DDX60L: variants seen among roughly 807,000 people sequenced by gnomAD.
DDX60L encodes DExD/H-box 60 like, also known as probable ATP-dependent RNA helicase DDX60-like.
Under a neutral mutation model 211.6 loss-of-function variants are expected in DDX60L, and 191 were observed. The observed-to-expected ratio is 0.90, with a 90% CI of 0.80 to 1.02. The LOEUF (loss-of-function observed/expected upper bound fraction) is 1.02, where lower values mean the gene tolerates loss of function less well. DDX60L is among the 50% of genes least tolerant of loss of function. DDX60L has a pLI of 0.00. For missense variants in DDX60L, 2,007 were observed against 1,984.1 expected, an observed-to-expected ratio of 1.01 and a Z score of -0.22; for synonymous variants, 706 against 694.1, an observed-to-expected ratio of 1.02 and a Z score of -0.27.
intron 12 of DDX60L, among the ~76,000 whole-genome samples, chr4:168,432,099 C>A (rs2149946173): frequency 6.6e-6 from 1 of 152,166 alleles, no homozygotes; most frequent in Middle Eastern, 3.4e-3. Context: ...ATATGTACAT[C>A]CTTAAAAGAT....
At chr4:168,472,574 T>C (rs1403519685) in intron 2 of DDX60L, 50 bp from the exon 3 acceptor site, 3 of 1,563,588 alleles carry the variant, frequency 1.9e-6, no homozygotes, top group Non-Finnish European at 2.6e-6. Context: ...CACAGCTATA[T>C]AATTTAGTAA....
At chr4:168,431,502 T>A (rs979497682) in intron 12 of DDX60L, among the ~76,000 whole-genome samples, 1 of 137,776 alleles carries the variant, frequency 7.3e-6, no homozygotes, top group Non-Finnish European at 1.5e-5. Context: ...AGTTCTGCAA[T>A]GAGAACACAT....
At chr4:168,461,483 GA>G (rs560610453) in intron 5 of DDX60L, among the ~76,000 whole-genome samples, 78 of 152,192 alleles carry the variant, frequency 5.1e-4, no homozygotes, top group Non-Finnish European at 1.1e-3. Context: ...AACCTTATAG[GA>G]GTACCCTGAG....
intron 9 of DDX60L, among the ~76,000 whole-genome samples, chr4:168,447,962 G>A (rs1755082751): frequency 6.6e-6 from 1 of 151,144 alleles, no homozygotes. Context: ...GCACCAGCAT[G>A]GCACATGTAT....
At chr4:168,437,843 C>T (rs567016201) in intron 10 of DDX60L, among the ~76,000 whole-genome samples, 21 of 146,072 alleles carry the variant, frequency 1.4e-4, no homozygotes, top group African/African-American at 5.4e-4. Flanking sequence ...TTAAACCCTT[C>T]GGCTGACTCC....
chr4:168,385,921 C>T (rs1433014169), intron 29 of DDX60L, among the ~76,000 whole-genome samples: 2 of 151,862 alleles, frequency 1.3e-5, no homozygotes, highest in Non-Finnish European at 2.9e-5. Context: ...TATACCCCCA[C>T]TCTTTCTCAC....
intron 22 of DDX60L, among the ~76,000 whole-genome samples, chr4:168,414,319 AATATT>A (rs1344445343): frequency 6.6e-6 from 1 of 152,188 alleles, no homozygotes; most frequent in Non-Finnish European, 1.5e-5. Context: ...AAAAACACAG[AATATT>A]ATAACATTGT....
chr4:168,462,186 T>C lies in DDX60L; in HGVS notation c.265-146A>G, dbSNP rs547648744. 231 of 622,392 alleles carry C rather than the reference T, an allele frequency of 3.7e-4. 1 individual carries two copies. The highest frequency in any genetic ancestry group is 5.1e-4 in the Non-Finnish European group (184 of 359,654). 38.6% of individuals were successfully genotyped at this position (622,392 alleles called of 1,614,324 possible). ...TCAAGGGCCTTAAACTTGACTCCTT[T>C]CACAAGTGCATGCCACAGGTCAAAA... On this transcript the variant is annotated intron_variant, in intron 4 of 37. Coordinates refer to ENST00000682922, the MANE Select transcript of DDX60L (RefSeq NM_001012967.3).
intron 17 of DDX60L, among the ~76,000 whole-genome samples, chr4:168,420,938 C>T (rs1750506020): frequency 6.6e-6 from 1 of 152,122 alleles, no homozygotes; most frequent in Admixed American, 6.5e-5. Context: ...GATTCCCCTT[C>T]TATTGTTCTG....
intron 8 of DDX60L, among the ~76,000 whole-genome samples, chr4:168,450,776 G>T (rs574536135): frequency 2.6e-5 from 4 of 152,120 alleles, no homozygotes; most frequent in Non-Finnish European, 4.4e-5. Flanking sequence ...AGCCAGGCAT[G>T]GTGGCGTATA....
At chr4:168,415,358 G>C in intron 22 of DDX60L, 50 bp downstream of exon 22, 1 of 1,153,926 alleles carries the variant, frequency 8.7e-7, no homozygotes. Context: ...TTCCAGTTGC[G>C]ATATACACTA....
chr4:168,451,742 C>A (rs187898188), intron 8 of DDX60L, among the ~76,000 whole-genome samples: 5 of 152,272 alleles, frequency 3.3e-5, no homozygotes, highest in Admixed American at 3.3e-4. Flanking sequence ...CTTAACAGAG[C>A]CAACAAGTAC....
intron 36 of DDX60L, among the ~76,000 whole-genome samples, chr4:168,371,082 TA>T (rs1162322171): frequency 0.045 from 255 of 5,644 alleles, 1 homozygote; most frequent in African/African-American, 0.22. Flanking sequence ...AAAAAAGATT[TA>T]TTTCATTAAA....
At chr4:168,420,468 A>G (rs1750344633) in intron 17 of DDX60L, 88 bp from the exon 18 acceptor site, 1 of 9,058 alleles carries the variant, frequency 1.1e-4, no homozygotes, top group Non-Finnish European at 2.1e-4. Context: ...ACACATACAC[A>G]CACACACACA....
rs989112436 is a variant in DDX60L at position 168,415,528 on chromosome 4, A to G, written c.2870-11T>C. 3.3e-6 allele frequency: 5 copies of G among 1,530,564 alleles called. No individual in the cohort carries two copies. The allele number at this position is 1,530,564 out of a possible 1,614,324, so 94.8% of individuals were successfully genotyped here. ...TCTCTCCACAGAGCACTAGATACGA[A>G]GAGCAAGAATATCCAAATTAATGGA... On this transcript the variant is annotated splice_polypyrimidine_tract_variant and intron_variant, in intron 21 of 37. Coordinates refer to ENST00000682922, the MANE Select transcript of DDX60L (RefSeq NM_001012967.3).
chr4:168,375,296 A>G, intron 34 of DDX60L, 81 bp downstream of exon 34: 1 of 1,445,852 alleles, frequency 6.9e-7, no homozygotes, highest in South Asian at 1.2e-5. Flanking sequence ...CCAGCTTTGA[A>G]GCATCCAATA....
chr4:168,387,344 G>A (rs1486063606), intron 29 of DDX60L, among the ~76,000 whole-genome samples: 1 of 152,208 alleles, frequency 6.6e-6, no homozygotes, highest in Non-Finnish European at 1.5e-5. Flanking sequence ...TTCTGGTTCG[G>A]AGCTTGGAAA....
At chr4:168,472,566 C>A in intron 2 of DDX60L, 42 bp from the exon 3 acceptor site, 1 of 1,565,792 alleles carries the variant, frequency 6.4e-7, no homozygotes, top group Non-Finnish European at 8.7e-7. Flanking sequence ...TATTTTTACA[C>A]AGCTATATAA....
At position 168,449,498 on chromosome 4, in the gene DDX60L, GAGATATACCTAATGCT is replaced by G. The variant is rs543606054; in HGVS notation, c.997-735_997-720del. Among the ~76,000 whole-genome samples, 83 of 136,330 alleles carry G rather than the reference GAGATATACCTAATGCT, an allele frequency of 6.1e-4. No individual in the cohort carries two copies. In the East Asian group the frequency reaches 0.017, roughly 28 times the overall value. 89.4% of individuals were successfully genotyped at this position (136,330 alleles called of 152,430 possible). A position where few individuals can be genotyped will look rare whatever the true frequency, so the allele number is the denominator to read the frequency against. On this transcript the variant is annotated intron_variant, in intron 8 of 37. Coordinates refer to ENST00000682922, the MANE Select transcript of DDX60L (RefSeq NM_001012967.3). ...GGGGAGGGGGGAGGGATAGCATTGG[GAGATATACCTAATGCT>G]AGATGACACGTTAGTGGGTGCAGCG...
Sources: gnomAD v4.1 joint callset for allele counts (sites outside exome capture counted in the v4.1 genomes callset) on GRCh38, gnomAD v4.1.1 for gene constraint, MANE v1.5 for transcripts, NCBI Gene and HGNC (gene_info 2026-07-23, HGNC 2026-07-21) for gene names.